Variants in KLF7 observed in about 807,000 individuals in gnomAD.
KLF7 encodes KLF transcription factor 7.
In KLF7, 2 loss-of-function variants were observed where a neutral mutation model predicts 27.3. That is an observed-to-expected ratio of 0.07 (90% confidence interval 0.03 to 0.23). The LOEUF (loss-of-function observed/expected upper bound fraction) is 0.23, where lower values mean the gene tolerates loss of function less well. KLF7 is among the 10% of genes least tolerant of loss of function. The pLI, the probability that KLF7 is intolerant of heterozygous loss-of-function variation, is 1.00. For synonymous variants in KLF7, 165 were observed against 162.4 expected (o/e 1.02, Z -0.12); for missense variants, 221 against 394.1 (o/e 0.56, Z 3.72).
At chr2:207,082,359 G>T (rs2076291943) in intron 3 of KLF7, among the ~76,000 whole-genome samples, 1 of 152,162 alleles carries the variant, frequency 6.6e-6, no homozygotes, top group Admixed American at 6.5e-5. Flanking sequence ...TAAAGAGTTG[G>T]CTGGAGAATG....
At chr2:207,137,268 A>G (rs2077815316) in intron 1 of KLF7, among the ~76,000 whole-genome samples, 2 of 152,196 alleles carry the variant, frequency 1.3e-5, no homozygotes, top group South Asian at 4.1e-4. Flanking sequence ...TGACATTAGC[A>G]GCCCCACTTC....
chr2:207,165,415 C>A, intron 1 of KLF7, 52 bp downstream of exon 1: 1 of 1,612,820 alleles, frequency 6.2e-7, no homozygotes, highest in South Asian at 1.1e-5. Flanking sequence ...AACGCAGCCC[C>A]TGCGTCTCCG....
In KLF7 at chr2:207,080,657, C is replaced by G. The variant is rs2076250280; in HGVS notation, c.*556G>C. 2.5e-6 allele frequency: 1 copy of G among 395,836 alleles called. No individual in the cohort carries two copies. The highest frequency in any genetic ancestry group is 4.5e-6 in the Non-Finnish European group (1 of 224,700). 24.5% of individuals were successfully genotyped at this position (395,836 alleles called of 1,614,324 possible). Reference sequence around the variant, plus strand: ...AGTAGGACTTTTCACACACAAAGGACAAATAAACCAAGAGTTAATTTTGGC... The same window carrying G: ...AGTAGGACTTTTCACACACAAAGGAGAAATAAACCAAGAGTTAATTTTGGC... On this transcript the variant is annotated 3_prime_UTR_variant, in exon 4 of 4. Transcript: ENST00000309446.
intron 1 of KLF7, among the ~76,000 whole-genome samples, chr2:207,146,689 G>A (rs2106086961): frequency 6.6e-6 from 1 of 151,984 alleles, no homozygotes; most frequent in South Asian, 2.1e-4. Context: ...TCCTGCTCAA[G>A]AGAGAAAGTG....
chr2:207,097,936 C>G (rs774430817), intron 2 of KLF7, among the ~76,000 whole-genome samples: 1 of 152,150 alleles, frequency 6.6e-6, no homozygotes, highest in Non-Finnish European at 1.5e-5. Context: ...CTGCTCCCCA[C>G]CACCCCGACA....
At chr2:207,099,551 G>GAGATATATATATATATATAT (rs150515096) in intron 2 of KLF7, among the ~76,000 whole-genome samples, 1 of 57,568 alleles carries the variant, frequency 1.7e-5, no homozygotes, top group Non-Finnish European at 3.3e-5. Context: ...CTACATATGC[G>GAGATATATATATATATATAT]ATATATATAT....
rs1020414301 is a variant in KLF7 at position 207,074,316 on chromosome 2, C to T, written c.*6897G>A. 6.6e-6 allele frequency: 1 copy of T among 151,978 alleles called. No homozygotes were observed. Among genetic ancestry groups the T allele is most frequent in the Non-Finnish European group, 1.5e-5 (1 of 68,068 alleles). The allele number at this position is 151,978 out of a possible 1,614,324, so 9.4% of individuals were successfully genotyped here. ...GTTTCCTGTGAATGACACCACTTCT[C>T]TCGGGGAATCGCTGAGCTCGGGATG... On this transcript the variant is annotated 3_prime_UTR_variant, in exon 4 of 4. Transcript: ENST00000309446.
At chr2:207,115,169 T>C (rs576442517) in intron 2 of KLF7, among the ~76,000 whole-genome samples, 3 of 150,534 alleles carry the variant, frequency 2.0e-5, no homozygotes, top group Non-Finnish European at 4.4e-5. Flanking sequence ...AAAAAAAAGA[T>C]GTCAGTTGCA....
chr2:207,148,894 G>C (rs889669063), intron 1 of KLF7: 4 of 473,400 alleles, frequency 8.4e-6, no homozygotes, highest in Non-Finnish European at 1.2e-5. Flanking sequence ...TTTGGGGGCA[G>C]GGATCTCCTA....
chr2:207,096,473 G>A (rs2076633472), intron 2 of KLF7, among the ~76,000 whole-genome samples: 1 of 152,158 alleles, frequency 6.6e-6, no homozygotes, highest in African/African-American at 2.4e-5. Flanking sequence ...ATGGGTTCAG[G>A]AATCTGAAGA....
chr2:207,144,479 T>G (rs1426936173), intron 1 of KLF7, among the ~76,000 whole-genome samples: 1 of 152,148 alleles, frequency 6.6e-6, no homozygotes, highest in Non-Finnish European at 1.5e-5. Context: ...ACCAACCCTA[T>G]CCTTGTGTTC....
chr2:207,150,380 G>GTCT (rs1388059837), intron 1 of KLF7, among the ~76,000 whole-genome samples: 1 of 152,136 alleles, frequency 6.6e-6, no homozygotes, highest in Non-Finnish European at 1.5e-5. Flanking sequence ...TAAGGTTCAA[G>GTCT]TAACAGCCCC....
In KLF7 at chr2:207,079,077, GTTTTTGTT is replaced by G. The variant is rs2076226002; in HGVS notation, c.*2128_*2135del. 1 of 121,178 alleles carries G rather than the reference GTTTTTGTT, an allele frequency of 8.3e-6. No individual in the cohort carries two copies. The highest frequency in any genetic ancestry group is 1.8e-5 in the Non-Finnish European group (1 of 56,592). 7.5% of individuals were successfully genotyped at this position (121,178 alleles called of 1,614,324 possible). A position where few individuals can be genotyped will look rare whatever the true frequency, so the allele number is the denominator to read the frequency against. On this transcript the variant is annotated 3_prime_UTR_variant, in exon 4 of 4. Transcript: ENST00000309446. ...TTTGTATTATTTTGTTTTTTTTTTT[GTTTTTGTT>G]TTTGTTTTTTTTGGTCTAAATAGAA...
intron 1 of KLF7, among the ~76,000 whole-genome samples, chr2:207,145,353 C>A (rs1350245389): frequency 1.3e-5 from 2 of 152,104 alleles, no homozygotes; most frequent in South Asian, 2.1e-4. Flanking sequence ...TTTTAATGAA[C>A]CTTTAAACAA....
chr2:207,146,381 C>T (rs1035267), intron 1 of KLF7, among the ~76,000 whole-genome samples: 20,218 of 152,218 alleles, frequency 0.13, 1,432 homozygotes, highest in Admixed American at 0.2. Flanking sequence ...GGCCTATGCT[C>T]TTCAAGTACC....
At chr2:207,133,942 A>G in intron 1 of KLF7, 1 of 584,402 alleles carries the variant, frequency 1.7e-6, no homozygotes, top group South Asian at 3.1e-5. Flanking sequence ...TAACAGGGAA[A>G]GGTCTGACAA....
intron 1 of KLF7, among the ~76,000 whole-genome samples, chr2:207,133,473 A>G (rs2077693463): frequency 6.6e-6 from 1 of 152,212 alleles, no homozygotes; most frequent in Non-Finnish European, 1.5e-5. Context: ...GAGGACTCTA[A>G]GCAGTTCGTC....
intron 1 of KLF7, among the ~76,000 whole-genome samples, chr2:207,136,854 G>A (rs2077803714): frequency 6.6e-6 from 1 of 152,124 alleles, no homozygotes; most frequent in African/African-American, 2.4e-5. Flanking sequence ...CACCTTATTA[G>A]GTCAAAAGGC....
chr2:207,136,826 A>G (rs2077803115), intron 1 of KLF7, among the ~76,000 whole-genome samples: 1 of 152,016 alleles, frequency 6.6e-6, no homozygotes, highest in Non-Finnish European at 1.5e-5. Flanking sequence ...CCAGTCAGAA[A>G]ATCTATCCTA....
Sources: allele counts gnomAD v4.1 joint callset (sites outside exome capture counted in the v4.1 genomes callset), GRCh38; gene constraint gnomAD v4.1.1; transcripts MANE v1.5; gene names NCBI Gene and HGNC (gene_info 2026-07-23, HGNC 2026-07-21).